TASP1: variants seen among roughly 807,000 people sequenced by gnomAD.
The protein encoded by TASP1 is threonine aspartase 1.
A neutral mutation model predicts 56.6 loss-of-function variants in TASP1; 16 were observed. That is an observed-to-expected ratio of 0.28 (90% CI 0.19 to 0.43). TASP1 has a LOEUF of 0.43. Ranked by LOEUF, TASP1 falls within the 20% of genes least tolerant of loss-of-function variation. The probability of loss-of-function intolerance (pLI) is 1.00; values close to 1 mark genes in which losing one functional copy is unlikely to be tolerated. For synonymous variants in TASP1, 179 were observed against 184.2 expected, an observed-to-expected ratio of 0.97 and a Z score of 0.23; for missense variants, 393 against 511.6, an observed-to-expected ratio of 0.77 and a Z score of 2.24.
the TASP1 span, among the ~76,000 whole-genome samples, chr20:13,178,387 A>T: frequency 6.6e-6 from 1 of 152,160 alleles, no homozygotes; most frequent in Non-Finnish European, 1.5e-5. Context: ...CATAAAAGGA[A>T]TCCCACTACT....
chr20:13,449,436 T>C (rs1568816866), intron 11 of TASP1, among the ~76,000 whole-genome samples: 1 of 152,192 alleles, frequency 6.6e-6, no homozygotes. Flanking sequence ...AGATCCCACT[T>C]ACTGTGCAGA....
At chr20:13,547,924 TAA>T (rs1172314323) in intron 8 of TASP1, among the ~76,000 whole-genome samples, 1 of 152,088 alleles carries the variant, frequency 6.6e-6, no homozygotes, top group African/African-American at 2.4e-5. Context: ...TACTGGAAGA[TAA>T]AGACATCAAA....
At chr20:13,226,382 G>A in the TASP1 span, among the ~76,000 whole-genome samples, 5 of 151,516 alleles carry the variant, frequency 3.3e-5, no homozygotes, top group South Asian at 4.2e-4. Context: ...TTACCTGCTC[G>A]TTTTCCAGTC....
the TASP1 span, among the ~76,000 whole-genome samples, chr20:13,184,142 C>G: frequency 2.0e-5 from 3 of 151,910 alleles, no homozygotes; most frequent in Admixed American, 2.0e-4. Flanking sequence ...CACTAGGTGC[C>G]AAGCACTGTT....
intron 4 of TASP1, among the ~76,000 whole-genome samples, chr20:13,605,792 A>T (rs890167941): frequency 2.0e-5 from 3 of 152,222 alleles, no homozygotes; most frequent in African/African-American, 7.2e-5. Flanking sequence ...CATGTCCAGT[A>T]AGTAGCCAGT....
intron 13 of TASP1, among the ~76,000 whole-genome samples, chr20:13,408,491 A>T (rs973344230): frequency 6.6e-6 from 1 of 152,124 alleles, no homozygotes; most frequent in Non-Finnish European, 1.5e-5. Flanking sequence ...TTTGTCAAAT[A>T]CTGAGGTTAC....
chr20:13,522,967 T>G (rs2044823773), intron 10 of TASP1, among the ~76,000 whole-genome samples: 1 of 152,176 alleles, frequency 6.6e-6, no homozygotes. Context: ...TGAGCAACCG[T>G]GTCAAATGTT....
chr20:13,617,229 C>A, intron 4 of TASP1: 1 of 224,092 alleles, frequency 4.5e-6, no homozygotes, highest in South Asian at 4.6e-5. Context: ...AACAGACAGG[C>A]AAAATAGGGT....
At chr20:13,491,443 T>C (rs1481739481) in intron 10 of TASP1, among the ~76,000 whole-genome samples, 1 of 152,210 alleles carries the variant, frequency 6.6e-6, no homozygotes, top group Non-Finnish European at 1.5e-5. Flanking sequence ...TTTGGCCCCA[T>C]TCACTTCACT....
At chr20:13,581,796 C>A (rs112167510) in intron 5 of TASP1, among the ~76,000 whole-genome samples, 1 of 152,138 alleles carries the variant, frequency 6.6e-6, no homozygotes, top group Admixed American at 6.6e-5. Context: ...TTAAATCTAT[C>A]GGATGAGTTA....
At chr20:13,161,973 T>C in the TASP1 span, among the ~76,000 whole-genome samples, 1 of 152,216 alleles carries the variant, frequency 6.6e-6, no homozygotes, top group African/African-American at 2.4e-5. Context: ...GATTTTGAGA[T>C]GAGTGAACTT....
chr20:13,417,316 C>G, intron 13 of TASP1, 132 bp downstream of exon 13: 1 of 776,124 alleles, frequency 1.3e-6, no homozygotes. Context: ...TGTTCTTATT[C>G]GGATGCTTAT....
intron 13 of TASP1, among the ~76,000 whole-genome samples, chr20:13,391,513 G>A (rs1293097816): frequency 3.3e-5 from 5 of 152,220 alleles, no homozygotes; most frequent in Non-Finnish European, 7.3e-5. Flanking sequence ...GAAACATGGT[G>A]AGTCTCATCA....
At chr20:13,609,941 T>C (rs2048295254) in intron 4 of TASP1, among the ~76,000 whole-genome samples, 1 of 152,074 alleles carries the variant, frequency 6.6e-6, no homozygotes, top group Non-Finnish European at 1.5e-5. Flanking sequence ...CTCCAAAAAA[T>C]GAAGTACTGA....
chr20:13,560,166 C>T (rs907332417), intron 7 of TASP1, among the ~76,000 whole-genome samples: 4 of 152,094 alleles, frequency 2.6e-5, no homozygotes, highest in Admixed American at 1.3e-4. Context: ...AAATTACAAA[C>T]TGGAACATAA....
intron 6 of TASP1, among the ~76,000 whole-genome samples, chr20:13,574,518 T>C (rs1157219688): frequency 6.6e-6 from 1 of 152,072 alleles, no homozygotes; most frequent in Non-Finnish European, 1.5e-5. Flanking sequence ...AATCCATAAA[T>C]AACAAAGATA....
Position 13,588,622 on chromosome 20 carries a change from T to C in TASP1, c.283-1252A>G, listed in dbSNP as rs190495553. ...ATTTTTAAAAGAAGTATAAGACTTG[T>C]ATGCTAAAAACTGTAAAACACATTG... On this transcript the variant is annotated intron_variant, in intron 4 of 13. Coordinates refer to ENST00000337743, the MANE Select transcript of TASP1 (RefSeq NM_017714.3). Among the ~76,000 whole-genome samples the C allele has an allele frequency of 3.5e-3, 536 of 152,320 alleles. 2 individuals carry two copies. Among genetic ancestry groups the C allele is most frequent in the African/African-American group, 0.012 (501 of 41,586 alleles).
At chr20:13,496,535 G>T (rs767164519) in intron 10 of TASP1, among the ~76,000 whole-genome samples, 1 of 151,178 alleles carries the variant, frequency 6.6e-6, no homozygotes, top group Non-Finnish European at 1.5e-5. Flanking sequence ...GCTGGTTCTG[G>T]GTCTCTGGGT....
the TASP1 span, among the ~76,000 whole-genome samples, chr20:13,214,452 G>C: frequency 6.6e-6 from 1 of 151,038 alleles, no homozygotes; most frequent in East Asian, 2.0e-4. Context: ...GTGGTGACTA[G>C]GATCACTCCA....
Sources: allele counts gnomAD v4.1 joint callset (sites outside exome capture counted in the v4.1 genomes callset), GRCh38; gene constraint gnomAD v4.1.1; transcripts MANE v1.5; gene names NCBI Gene and HGNC (gene_info 2026-07-23, HGNC 2026-07-21).